Variants in FHAD1 observed in about 807,000 individuals in gnomAD.
FHAD1 encodes the protein forkhead-associated domain-containing protein 1.
In FHAD1, 146 loss-of-function variants were observed where a neutral mutation model predicts 191.3. That is an observed-to-expected ratio of 0.76 (90% CI 0.67 to 0.88). The LOEUF (loss-of-function observed/expected upper bound fraction) is 0.88, where lower values mean the gene tolerates loss of function less well. Among genes scored for constraint, FHAD1 ranks in the 40% least tolerant of loss-of-function variants. The probability of loss-of-function intolerance (pLI) is 0.00; values close to 1 mark genes in which losing one functional copy is unlikely to be tolerated. For missense variants in FHAD1, 1,635 were observed against 1,785.8 expected, an observed-to-expected ratio of 0.92 and a Z score of 1.52; for synonymous variants, 616 against 672.3, an observed-to-expected ratio of 0.92 and a Z score of 1.29.
At chr1:15,259,264 G>C (rs549020590) in intron 2 of FHAD1, among the ~76,000 whole-genome samples, 5 of 152,128 alleles carry the variant, frequency 3.3e-5, no homozygotes, top group Non-Finnish European at 7.3e-5. Flanking sequence ...TTTTGTATGT[G>C]TTCTATGTAT....
chr1:15,346,793 G>A (rs906847834), intron 18 of FHAD1, among the ~76,000 whole-genome samples: 3 of 152,184 alleles, frequency 2.0e-5, no homozygotes, highest in Admixed American at 6.6e-5. Flanking sequence ...GTTCAAATCC[G>A]AGCTGGGCTA....
Position 15,325,543 on chromosome 1 carries a change from A to G in FHAD1, c.1473+984A>G, listed in dbSNP as rs12725459. 0.012 allele frequency: 1,887 copies of G among 152,340 alleles called. 15 individuals carry two copies. Among genetic ancestry groups the G allele is most frequent in the African/African-American group, 0.021 (856 of 41,510 alleles). The allele number at this position is 152,340 out of a possible 1,614,324, so 9.4% of individuals were successfully genotyped here. ...GTACCCTAAAATTCAAATATTCACC[A>G]CTGTAACCGCCAGCACCATTTCTCC... On this transcript the variant is annotated intron_variant, in intron 11 of 33. Transcript: ENST00000688493. The surrounding 1 kb of genome is among the most constrained non-coding windows in gnomAD (Gnocchi z 4.6).
intron 4 of FHAD1, among the ~76,000 whole-genome samples, chr1:15,295,988 CT>C (rs2100767988): frequency 6.6e-6 from 1 of 152,316 alleles, no homozygotes; most frequent in South Asian, 2.1e-4. Flanking sequence ...CACAGTAGCC[CT>C]TTATGATAGA....
chr1:15,299,052 G>A (rs919830965), intron 5 of FHAD1, among the ~76,000 whole-genome samples: 1 of 150,268 alleles, frequency 6.7e-6, no homozygotes, highest in African/African-American at 2.5e-5. Context: ...ACAAAAAAAC[G>A]AGCCACCCAT....
Position 15,345,586 on chromosome 1 carries a change from T to A in FHAD1, c.2346+63T>A, listed in dbSNP as rs1053948189. On this transcript the variant is annotated intron_variant, in intron 18 of 33. Coordinates refer to ENST00000688493, the MANE Select transcript of FHAD1 (RefSeq NM_001391957.1). The stretch of plus-strand genomic sequence containing the variant: ...GGCTTGAGGGCCATGTGGAAGGAAG[T>A]TCAGAGCGGCGATGATGGGGGTGAG... The A allele has an allele frequency of 5.4e-6, 7 of 1,304,806 alleles. No homozygotes were observed. In the African/African-American group the frequency reaches 1.0e-4, roughly 19 times the overall value. The allele number at this position is 1,304,806 out of a possible 1,614,324, so 80.8% of individuals were successfully genotyped here. A position where few individuals can be genotyped will look rare whatever the true frequency, so the allele number is the denominator to read the frequency against.
At chr1:15,376,093 TTTTA>T (rs745342443) in intron 28 of FHAD1, among the ~76,000 whole-genome samples, 100 of 128,538 alleles carry the variant, frequency 7.8e-4, no homozygotes, top group African/African-American at 2.5e-3. Context: ...TTATTTATTT[TTTTA>T]TTTATTTTTT....
chr1:15,346,606 C>T (rs1381067769), intron 18 of FHAD1, among the ~76,000 whole-genome samples: 1 of 152,242 alleles, frequency 6.6e-6, no homozygotes, highest in Non-Finnish European at 1.5e-5. Flanking sequence ...TGAAGATATT[C>T]TACTTCTGTT....
rs1272328732 is a variant in FHAD1, at chr1:15,345,429, G to A, written c.2252G>A (p.Ser751Asn). Residue 751 changes from serine to asparagine, a missense_variant, in exon 18 of 34, where the codon AGC (serine) becomes AAC (asparagine). By Grantham distance (46) the Ser-to-Asn change is conservative (BLOSUM62 1). Transcript: ENST00000688493. ...TCGTTGACTCAGGCTTTGGCGAAAAGCATTACCCAGGAGAAGAACAGAGTG... is the reference window on the plus strand; with the variant it reads ...TCGTTGACTCAGGCTTTGGCGAAAAACATTACCCAGGAGAAGAACAGAGTG... Reference protein sequence around the residue: ...LAQQKKALAKSITQEKNRVKE... With the variant: ...LAQQKKALAKNITQEKNRVKE... 3 of 1,552,354 alleles carry A rather than the reference G, an allele frequency of 1.9e-6. No individual in the cohort carries two copies. Among genetic ancestry groups the A allele is most frequent in the East Asian group, 4.9e-5 (2 of 40,920 alleles).
intron 14 of FHAD1, among the ~76,000 whole-genome samples, chr1:15,337,329 G>C (rs1007164383): frequency 6.6e-6 from 1 of 152,128 alleles, no homozygotes; most frequent in Non-Finnish European, 1.5e-5. Flanking sequence ...ACCCCAACCT[G>C]TCTCTCTCCC....
At chr1:15,297,376 G>A (rs1180736574) in intron 5 of FHAD1, among the ~76,000 whole-genome samples, 3 of 152,262 alleles carry the variant, frequency 2.0e-5, no homozygotes, top group East Asian at 1.9e-4. Context: ...TATGATAATC[G>A]ACTACTTTTG....
chr1:15,295,710 C>T (rs539685754), intron 4 of FHAD1, among the ~76,000 whole-genome samples: 3 of 152,276 alleles, frequency 2.0e-5, no homozygotes, highest in African/African-American at 7.2e-5. Context: ...AAATGTGGAA[C>T]CCACACATAT....
intron 3 of FHAD1, among the ~76,000 whole-genome samples, chr1:15,275,850 G>T (rs933672384): frequency 4.6e-5 from 7 of 152,162 alleles, no homozygotes; most frequent in Non-Finnish European, 1.0e-4. Context: ...AGTTTTCAAG[G>T]ATTGTTTCCT....
downstream of FHAD1, among the ~76,000 whole-genome samples, chr1:15,399,565 C>CA (rs961191381): frequency 1.0e-3 from 148 of 146,254 alleles, no homozygotes; most frequent in Middle Eastern, 6.9e-3. Flanking sequence ...CACCTTGTCT[C>CA]AAAAAAAAAA....
chr1:15,259,977 C>T (rs976456886), intron 2 of FHAD1, among the ~76,000 whole-genome samples: 3 of 152,194 alleles, frequency 2.0e-5, no homozygotes, highest in Non-Finnish European at 4.4e-5. Context: ...GGCCCTGCCA[C>T]CCACATGCAA....
At position 15,360,614 on chromosome 1, in the gene FHAD1, T is replaced by C; in HGVS notation, c.2873T>C (p.Ile958Thr). 2 of 1,551,932 alleles carry C rather than the reference T, an allele frequency of 1.3e-6. 1 individual carries two copies. The highest frequency in any genetic ancestry group is 2.4e-5 in the South Asian group (2 of 84,050). ...KEQIKQHAQT[I>T]VSLEEKLQKV... Reference sequence around the variant, plus strand: ...CAAATCAAACAGCACGCCCAGACAATTGTGAGCCTCGAAGAGAAACTCCAG... The same window carrying C: ...CAAATCAAACAGCACGCCCAGACAACTGTGAGCCTCGAAGAGAAACTCCAG... Residue 958 changes from isoleucine (I) to threonine (T), a missense_variant, in exon 22 of 34, where the codon ATT (isoleucine) becomes ACT (threonine). Coordinates refer to ENST00000688493, the MANE Select transcript of FHAD1 (RefSeq NM_001391957.1).
intron 32 of FHAD1, among the ~76,000 whole-genome samples, chr1:15,389,614 A>G (rs922343193): frequency 1.3e-5 from 2 of 152,068 alleles, no homozygotes; most frequent in Admixed American, 6.6e-5. Context: ...CTAGAGGGCA[A>G]CTGTCAGCTA....
chr1:15,373,229 G>A (rs906481985), intron 26 of FHAD1, among the ~76,000 whole-genome samples: 8 of 151,920 alleles, frequency 5.3e-5, no homozygotes, highest in Admixed American at 2.0e-4. Context: ...TGAAAAAGAC[G>A]GCTGGGCACA....
chr1:15,327,099 G>C lies in FHAD1; in HGVS notation c.1514G>C (p.Gly505Ala). The C allele has an allele frequency of 1.9e-6, 3 of 1,551,396 alleles. No homozygotes were observed. Among genetic ancestry groups the C allele is most frequent in the Non-Finnish European group, 2.6e-6 (3 of 1,146,910 alleles). Residue 505 changes from glycine (G) to alanine (A), a missense_variant, in exon 12 of 34, where the codon GGA becomes GCA. Coordinates refer to ENST00000688493, the MANE Select transcript of FHAD1 (RefSeq NM_001391957.1). The surrounding 1 kb of genome is among the most constrained non-coding windows in gnomAD (Gnocchi z 5.1). ...FRSQVIKATY[G>A]RAKPFRDKPV... Reference sequence around the variant, plus strand: ...AGTCAAGTCATCAAGGCCACCTATGGACGGGCGAAGCCGTTCCGGGACAAG... The same window carrying C: ...AGTCAAGTCATCAAGGCCACCTATGCACGGGCGAAGCCGTTCCGGGACAAG...
At chr1:15,368,576 G>A (rs960977719) in intron 25 of FHAD1, among the ~76,000 whole-genome samples, 8 of 152,182 alleles carry the variant, frequency 5.3e-5, no homozygotes, top group Non-Finnish European at 4.4e-5. Context: ...AGCTTTGTGT[G>A]CCTCGTGGCC....
Sources: allele counts gnomAD v4.1 joint callset (sites outside exome capture counted in the v4.1 genomes callset), GRCh38; gene constraint gnomAD v4.1.1; non-coding constraint Gnocchi (gnomAD v3.1); transcripts MANE v1.5; gene names NCBI Gene and HGNC (gene_info 2026-07-23, HGNC 2026-07-21).